PCDH19: variants seen among roughly 807,000 people sequenced by gnomAD.
The protein encoded by PCDH19 is protocadherin 19, also known as protocadherin-19.
In PCDH19, 6 loss-of-function variants were observed where a neutral mutation model predicts 46.2. The ratio of observed to expected loss-of-function variants is 0.13; its 90% CI spans 0.07 to 0.26. PCDH19 has a LOEUF of 0.26. Among genes scored for constraint, PCDH19 ranks in the 10% least tolerant of loss-of-function variants. The pLI is 1.00. For missense variants in PCDH19, 740 were observed against 972.3 expected (o/e 0.76, Z 3.18); for synonymous variants, 481 against 415.7 (o/e 1.16, Z -1.91).
intron 4 of PCDH19, among the ~76,000 whole-genome samples, chrX:100,347,237 G>A (rs1165113585): frequency 9.0e-6 from 1 of 111,393 alleles, no homozygotes; most frequent in Non-Finnish European, 1.9e-5. Context: ...TTTAGCCAAA[G>A]GAAGACATCA....
Position 100,292,033 on chromosome X carries a change from C to G in PCDH19, c.*4244G>C, listed in dbSNP as rs1924439741. 1 of 113,476 alleles carries G rather than the reference C, an allele frequency of 8.8e-6. No homozygotes were observed. Among genetic ancestry groups the G allele is most frequent in the South Asian group, 3.6e-4 (1 of 2,786 alleles). 9.4% of individuals were successfully genotyped at this position (113,476 alleles called of 1,213,427 possible). ...TAATAGTGTCATCAGGCTCATTCCC[C>G]TCACTAGAGGAGCGAAGGCGTAAGC... On this transcript the variant is annotated 3_prime_UTR_variant, in exon 6 of 6. Coordinates refer to ENST00000373034, the MANE Select transcript of PCDH19 (RefSeq NM_001184880.2).
chrX:100,354,801 T>C (rs767402158), intron 3 of PCDH19, among the ~76,000 whole-genome samples: 2 of 111,210 alleles, frequency 1.8e-5, no homozygotes, highest in Non-Finnish European at 3.8e-5. Context: ...ACATGAAACA[T>C]TTGAGAGAGG....
intron 5 of PCDH19, among the ~76,000 whole-genome samples, chrX:100,312,476 T>C (rs1335266): frequency 0.044 from 4,935 of 111,947 alleles, 100 homozygotes; most frequent in Middle Eastern, 0.15. Context: ...TTTTGCTCTT[T>C]TCTTTAAAAT....
chrX:100,359,390 TCACA>T (rs1485199567), intron 3 of PCDH19, among the ~76,000 whole-genome samples: 1 of 112,185 alleles, frequency 8.9e-6, no homozygotes, highest in African/African-American at 3.2e-5. Context: ...GAGGGCCTAC[TCACA>T]GAGCCCAAGG....
chrX:100,390,951 G>A (rs1012897564), intron 3 of PCDH19, among the ~76,000 whole-genome samples: 7 of 111,685 alleles, frequency 6.3e-5, no homozygotes, highest in Non-Finnish European at 1.3e-4. Flanking sequence ...AGCATGAATA[G>A]TAGCTAAAAT....
intron 5 of PCDH19, among the ~76,000 whole-genome samples, chrX:100,305,944 G>A (rs754724627): frequency 1.9e-4 from 21 of 111,735 alleles, no homozygotes; most frequent in African/African-American, 6.8e-4. Flanking sequence ...TAAGAAATAA[G>A]ATAGATGGCA....
rs371594080 is a variant in PCDH19 at position 100,341,923 on chromosome X, C to T, written c.2828G>A (p.Gly943Glu). 12 of 1,207,750 alleles carry T rather than the reference C, an allele frequency of 9.9e-6. No individual in the cohort carries two copies. The highest frequency in any genetic ancestry group is 3.5e-5 in the African/African-American group (2 of 57,121). The stretch of plus-strand genomic sequence containing the variant: ...CTTACCATGATCAGGCATCTGAGAT[C>T]CCATGGAGGTCACACTGGTGTTCAG... Reference protein sequence around the residue: ...DVLNTSVTSMGSQMPDHDQNE... With the variant: ...DVLNTSVTSMESQMPDHDQNE... Residue 943 changes from glycine to glutamate, a missense_variant, in exon 5 of 6, where the codon GGA (glycine) becomes GAA (glutamate). By Grantham distance (98) the Gly-to-Glu change is moderately conservative. This residue lies in a region of PCDH19 where 416 missense variants were observed against 476.8 expected (regional missense o/e 0.87). Transcript: ENST00000373034.
intron 3 of PCDH19, among the ~76,000 whole-genome samples, chrX:100,356,957 A>G (rs1212534394): frequency 9.0e-6 from 1 of 111,491 alleles, no homozygotes; most frequent in Non-Finnish European, 1.9e-5. Context: ...GAGGAGAATA[A>G]CCAAAAGGAC....
chrX:100,326,689 A>G (rs1001167265), intron 5 of PCDH19, among the ~76,000 whole-genome samples: 13 of 112,123 alleles, frequency 1.2e-4, no homozygotes, highest in Non-Finnish European at 2.4e-4. Context: ...AATGTAAATG[A>G]ACACAACCTC....
At chrX:100,357,951 G>C (rs1024667646) in intron 3 of PCDH19, among the ~76,000 whole-genome samples, 10 of 112,110 alleles carry the variant, frequency 8.9e-5, no homozygotes, top group African/African-American at 3.2e-4. Flanking sequence ...AATTAAGGCA[G>C]GTGACGAAGT....
At chrX:100,342,474 CATTA>C (rs915051868) in intron 4 of PCDH19, among the ~76,000 whole-genome samples, 1 of 111,771 alleles carries the variant, frequency 8.9e-6, no homozygotes, top group Non-Finnish European at 1.9e-5. Context: ...AAGTGTTTGA[CATTA>C]ATTAACTGTT....
intron 5 of PCDH19, among the ~76,000 whole-genome samples, chrX:100,300,237 TA>T (rs1924732396): frequency 8.9e-6 from 1 of 111,840 alleles, no homozygotes; most frequent in Non-Finnish European, 1.9e-5. Context: ...CAAAGCCCCT[TA>T]AAAATAGCAA....
At chrX:100,339,701 T>C (rs1481881084) in intron 5 of PCDH19, among the ~76,000 whole-genome samples, 2 of 111,761 alleles carry the variant, frequency 1.8e-5, no homozygotes, top group East Asian at 5.6e-4. Flanking sequence ...TAGTGGGATA[T>C]CACAAGGGAG....
intron 5 of PCDH19, among the ~76,000 whole-genome samples, chrX:100,330,998 C>T (rs190871068): frequency 8.9e-6 from 1 of 112,269 alleles, no homozygotes; most frequent in African/African-American, 3.2e-5. Context: ...CTTTGAGTAA[C>T]TTCAGTCACA....
At position 100,410,175 on chromosome X, in the gene PCDH19, G is replaced by A. The variant is rs932011468; in HGVS notation, c.-1578C>T. ...CCCGGGCAAGCCAGGCATGGTGCAC[G>A]GGAGCTGTGCTGCCGTCTGTGCCCG... is the stretch of plus-strand genomic sequence containing the variant. On this transcript the variant is annotated 5_prime_UTR_variant, in exon 1 of 6. Coordinates refer to ENST00000373034, the MANE Select transcript of PCDH19 (RefSeq NM_001184880.2). 6.7e-6 allele frequency: 2 copies of A among 297,393 alleles called. No individual in the cohort carries two copies. The highest frequency in any genetic ancestry group is 1.2e-5 in the Non-Finnish European group (2 of 170,201). The allele number at this position is 297,393 out of a possible 1,213,427, so 24.5% of individuals were successfully genotyped here. A position where few individuals can be genotyped will look rare whatever the true frequency, so the allele number is the denominator to read the frequency against.
rs1323952007 is a variant in PCDH19 at position 100,296,844 on chromosome X, T to C, written c.2880A>G (p.Glu960=). The change falls in exon 6 of 6, where the codon GAA becomes GAG. Residue 960 remains glutamate, a synonymous_variant. Coordinates refer to ENST00000373034, the MANE Select transcript of PCDH19 (RefSeq NM_001184880.2). ...TGTCAGAGTGGCCAAGAATCCGGCATTCTTCCCGGCAATGAAATCCTTCAT... is the reference window on the plus strand; with the variant it reads ...TGTCAGAGTGGCCAAGAATCCGGCACTCTTCCCGGCAATGAAATCCTTCAT... ...DQNEGFHCRE[E]CRILGHSDRC... is the part of the protein sequence containing the mutation. The C allele has an allele frequency of 5.0e-6, 6 of 1,207,658 alleles. No individual in the cohort carries two copies. Among genetic ancestry groups the C allele is most frequent in the Non-Finnish European group, 2.2e-6 (2 of 893,431 alleles).
At chrX:100,380,231 A>G (rs1019892426) in intron 3 of PCDH19, among the ~76,000 whole-genome samples, 3 of 111,031 alleles carry the variant, frequency 2.7e-5, no homozygotes, top group Non-Finnish European at 5.7e-5. Context: ...GATTAGGCCA[A>G]GAGTTTAATG....
At position 100,296,108 on chromosome X, in the gene PCDH19, T is replaced by C. The variant is rs184214288; in HGVS notation, c.*169A>G. On this transcript the variant is annotated 3_prime_UTR_variant, in exon 6 of 6. Transcript: ENST00000373034. Reference sequence around the variant, plus strand: ...TCCAACTGAACACCCCTGCTGCCTGTTGAAACAAGGGACTGTCACAGAATG... The same window carrying C: ...TCCAACTGAACACCCCTGCTGCCTGCTGAAACAAGGGACTGTCACAGAATG... 5.6e-5 allele frequency: 27 copies of C among 485,446 alleles called. No homozygotes were observed. The Middle Eastern group carries it at 1.7e-3, about 31-fold the overall frequency. 40.0% of individuals were successfully genotyped at this position (485,446 alleles called of 1,213,427 possible).
chrX:100,332,151 G>C (rs1023711707), intron 5 of PCDH19, among the ~76,000 whole-genome samples: 1 of 112,097 alleles, frequency 8.9e-6, no homozygotes, highest in Admixed American at 9.5e-5. Context: ...TATCATAAAA[G>C]AGGAAAGCCA....
Sources: gnomAD v4.1 joint callset for allele counts (sites outside exome capture counted in the v4.1 genomes callset) on GRCh38, gnomAD v4.1.1 for gene constraint, gnomAD v4.1.1 regional missense constraint, MANE v1.5 for transcripts, NCBI Gene and HGNC (gene_info 2026-07-23, HGNC 2026-07-21) for gene names.